Variants in SAMD5 observed in about 807,000 individuals in gnomAD.
SAMD5 encodes the protein sterile alpha motif domain containing 5.
A neutral mutation model predicts 11.3 loss-of-function variants in SAMD5; 13 were observed. That is an observed-to-expected ratio of 1.15 (90% CI 0.75 to 1.83). The LOEUF (loss-of-function observed/expected upper bound fraction) is 1.83, where lower values mean the gene tolerates loss of function less well. Ranked by LOEUF, SAMD5 falls within the 40% of genes most tolerant of loss-of-function variation. The pLI is 0.00. For synonymous variants in SAMD5, 129 were observed against 111.3 expected (o/e 1.16, Z -1.00); for missense variants, 255 against 239.1 (o/e 1.07, Z -0.44).
At chr6:147,932,590 G>T in the SAMD5 span, among the ~76,000 whole-genome samples, 1 of 1,914 alleles carries the variant, frequency 5.2e-4, no homozygotes, top group Non-Finnish European at 8.5e-4. Flanking sequence ...TTACAGAATT[G>T]TGTGTGTGTG....
At chr6:147,640,548 A>G (rs1401297444) in intron 1 of SAMD5, among the ~76,000 whole-genome samples, 2 of 151,242 alleles carry the variant, frequency 1.3e-5, no homozygotes, top group African/African-American at 4.9e-5. Flanking sequence ...AATTAAGCAG[A>G]AGTCTGCAAA....
chr6:147,854,788 A>G, the SAMD5 span, among the ~76,000 whole-genome samples: 1 of 152,218 alleles, frequency 6.6e-6, no homozygotes, highest in Non-Finnish European at 1.5e-5. Context: ...ATAGCATTTA[A>G]TACCAAGTGT....
intron 1 of SAMD5, among the ~76,000 whole-genome samples, chr6:147,640,562 TAGTCAAG>T (rs1790297898): frequency 7.3e-6 from 1 of 137,220 alleles, no homozygotes; most frequent in Non-Finnish European, 1.6e-5. Flanking sequence ...CTGCAAAATC[TAGTCAAG>T]ATTCAAGGAG....
intron 1 of SAMD5, among the ~76,000 whole-genome samples, chr6:147,643,743 A>AGG (rs1790348264): frequency 2.2e-5 from 3 of 138,228 alleles, no homozygotes; most frequent in Non-Finnish European, 4.7e-5. Context: ...GAGGGAAGGA[A>AGG]AGAAGGAAGG....
chr6:147,919,065 A>AATCCAATC, the SAMD5 span, among the ~76,000 whole-genome samples: 1 of 152,208 alleles, frequency 6.6e-6, no homozygotes, highest in East Asian at 1.9e-4. Flanking sequence ...TAAGGAGGAC[A>AATCCAATC]ATCCAATCTA....
At chr6:147,796,290 G>C in the SAMD5 span, among the ~76,000 whole-genome samples, 1 of 151,694 alleles carries the variant, frequency 6.6e-6, no homozygotes, top group African/African-American at 2.4e-5. Flanking sequence ...CATATGGCTA[G>C]CCAGTTTTCC....
At chr6:147,862,097 C>G in the SAMD5 span, among the ~76,000 whole-genome samples, 1 of 152,014 alleles carries the variant, frequency 6.6e-6, no homozygotes, top group African/African-American at 2.4e-5. Flanking sequence ...TAAGTCCATT[C>G]AAAGCCACCA....
At chr6:147,792,633 A>G in the SAMD5 span, among the ~76,000 whole-genome samples, 1 of 152,184 alleles carries the variant, frequency 6.6e-6, no homozygotes, top group Non-Finnish European at 1.5e-5. Flanking sequence ...ATCCTCTAAT[A>G]AAAGGAATCA....
chr6:147,803,089 T>C, the SAMD5 span, among the ~76,000 whole-genome samples: 1 of 152,038 alleles, frequency 6.6e-6, no homozygotes, highest in Non-Finnish European at 1.5e-5. Flanking sequence ...TACTAAATAC[T>C]TCTTTTCTCT....
intron 1 of SAMD5, among the ~76,000 whole-genome samples, chr6:147,556,558 C>T (rs1380358109): frequency 6.6e-6 from 1 of 152,120 alleles, no homozygotes. Flanking sequence ...CAGAGAATGG[C>T]CGGGATACAA....
chr6:147,926,085 C>T, the SAMD5 span, among the ~76,000 whole-genome samples: 4 of 152,178 alleles, frequency 2.6e-5, no homozygotes, highest in African/African-American at 9.7e-5. Flanking sequence ...TCCAATCTGT[C>T]GTTGATGGGC....
chr6:147,661,823 G>T (rs1790652521), intron 1 of SAMD5, among the ~76,000 whole-genome samples: 1 of 152,116 alleles, frequency 6.6e-6, no homozygotes, highest in Non-Finnish European at 1.5e-5. Flanking sequence ...TAGAAACGGG[G>T]TTTCACTATG....
At chr6:147,740,260 A>G (rs1791861013), downstream of SAMD5, among the ~76,000 whole-genome samples, 1 of 152,236 alleles carries the variant, frequency 6.6e-6, no homozygotes, top group Non-Finnish European at 1.5e-5. Flanking sequence ...ACCCAGAGAT[A>G]CGCATCAGGA....
At chr6:147,522,408 T>C (rs979168801) in intron 1 of SAMD5, among the ~76,000 whole-genome samples, 2 of 152,170 alleles carry the variant, frequency 1.3e-5, no homozygotes, top group African/African-American at 4.8e-5. Flanking sequence ...TTTATTGGGA[T>C]TGAATATTTA....
At chr6:147,704,505 T>G (rs1791298562) in intron 1 of SAMD5, among the ~76,000 whole-genome samples, 1 of 152,108 alleles carries the variant, frequency 6.6e-6, no homozygotes, top group African/African-American at 2.4e-5. Context: ...GAAATTTAAA[T>G]TCTATAGTTA....
At chr6:147,746,284 T>C in the SAMD5 span, among the ~76,000 whole-genome samples, 22 of 152,148 alleles carry the variant, frequency 1.4e-4, no homozygotes, top group Non-Finnish European at 3.1e-4. Flanking sequence ...AATTTGAAGC[T>C]GTCTCCTGGG....
intron 1 of SAMD5, among the ~76,000 whole-genome samples, chr6:147,669,204 C>G (rs1376979543): frequency 6.6e-6 from 1 of 152,134 alleles, no homozygotes; most frequent in East Asian, 1.9e-4. Context: ...AGAATTGGAA[C>G]CAATCCTCGT....
In SAMD5 at chr6:147,730,935, A is replaced by G. The variant is rs570085486; in HGVS notation, c.163-6382A>G. Among the ~76,000 whole-genome samples the G allele has an allele frequency of 6.6e-5, 10 of 152,282 alleles. No individual in the cohort carries two copies. In the East Asian group the frequency reaches 1.9e-3, roughly 29 times the overall value. On this transcript the variant is annotated intron_variant, in intron 1 of 1. Transcript: ENST00000566741. ...TGGAAGCCTGGTCAGAGTAGACTCA[A>G]GAGAATATGAGAGGAGCAAAAATTG...
chr6:147,915,875 A>T, the SAMD5 span, among the ~76,000 whole-genome samples: 2 of 149,306 alleles, frequency 1.3e-5, no homozygotes, highest in African/African-American at 4.9e-5. Flanking sequence ...TACATTAGGT[A>T]TATCTCCTAA....
Sources: gnomAD v4.1 joint callset for allele counts (sites outside exome capture counted in the v4.1 genomes callset) on GRCh38, gnomAD v4.1.1 for gene constraint, MANE v1.5 for transcripts, NCBI Gene and HGNC (gene_info 2026-07-23, HGNC 2026-07-21) for gene names.